The following LHFPL3 variants were observed in gnomAD, a reference collection of about 807,000 sequenced individuals.
The protein encoded by LHFPL3 is LHFPL tetraspan subfamily member 3 protein.
Under a neutral mutation model 19.3 loss-of-function variants are expected in LHFPL3, and 5 were observed. The observed-to-expected ratio is 0.26, with a 90% CI of 0.14 to 0.54. LHFPL3 has a LOEUF of 0.54. Ranked by LOEUF, LHFPL3 falls within the 20% of genes least tolerant of loss-of-function variation. The probability of loss-of-function intolerance (pLI) is 0.94; values close to 1 mark genes in which losing one functional copy is unlikely to be tolerated. For synonymous variants in LHFPL3, 133 were observed against 126.2 expected (o/e 1.05, Z -0.36); for missense variants, 249 against 307.4 (o/e 0.81, Z 1.42).
intron 2 of LHFPL3, among the ~76,000 whole-genome samples, chr7:104,847,209 A>G (rs1307490063): frequency 2.0e-5 from 3 of 152,182 alleles, no homozygotes; most frequent in Non-Finnish European, 4.4e-5. Context: ...TCTTCCTGAG[A>G]TATCACTGAT....
intron 1 of LHFPL3, among the ~76,000 whole-genome samples, chr7:104,661,084 G>A (rs1444455312): frequency 2.0e-5 from 3 of 152,180 alleles, no homozygotes; most frequent in Non-Finnish European, 4.4e-5. Flanking sequence ...TGTGAGCACT[G>A]ATATCAGGAA....
At chr7:104,658,663 G>A (rs1038726556) in intron 1 of LHFPL3, among the ~76,000 whole-genome samples, 5 of 152,016 alleles carry the variant, frequency 3.3e-5, no homozygotes, top group East Asian at 3.9e-4. Flanking sequence ...CTGGGTGGGC[G>A]CCTATAATCC....
chr7:104,367,664 A>T (rs985548831), intron 1 of LHFPL3, among the ~76,000 whole-genome samples: 1 of 152,176 alleles, frequency 6.6e-6, no homozygotes, highest in Non-Finnish European at 1.5e-5. Context: ...GAAATTCTGG[A>T]TCTATTCACA....
At chr7:104,744,039 C>G (rs932663077) in intron 2 of LHFPL3, 3 of 147,570 alleles carry the variant, frequency 2.0e-5, no homozygotes, top group Middle Eastern at 3.3e-3. Context: ...TTTTTAGAAA[C>G]AGTGCCTTAC....
intron 1 of LHFPL3, among the ~76,000 whole-genome samples, chr7:104,729,284 G>A (rs1793646010): frequency 6.6e-6 from 1 of 152,108 alleles, no homozygotes; most frequent in African/African-American, 2.4e-5. Flanking sequence ...ATAATGGGAT[G>A]TTTTAATATA....
chr7:104,616,765 C>G (rs1040001976), intron 1 of LHFPL3, among the ~76,000 whole-genome samples: 3 of 151,950 alleles, frequency 2.0e-5, no homozygotes, highest in African/African-American at 7.3e-5. Context: ...TGACAAAGGT[C>G]TAATATCCAG....
intron 2 of LHFPL3, among the ~76,000 whole-genome samples, chr7:104,816,234 T>G (rs1273330254): frequency 6.6e-6 from 1 of 152,182 alleles, no homozygotes; most frequent in Non-Finnish European, 1.5e-5. Flanking sequence ...TAGGCCCACT[T>G]GGGGCAAAAA....
intron 2 of LHFPL3, among the ~76,000 whole-genome samples, chr7:104,844,860 C>T (rs1178096004): frequency 6.6e-6 from 1 of 152,222 alleles, no homozygotes; most frequent in Admixed American, 6.5e-5. Context: ...CTGCCTCAGA[C>T]TCCCATGTAG....
chr7:104,435,226 C>T (rs893578922), intron 1 of LHFPL3, among the ~76,000 whole-genome samples: 12 of 151,928 alleles, frequency 7.9e-5, no homozygotes, highest in South Asian at 2.1e-4. Flanking sequence ...TACTGCAGCC[C>T]CAAACTCCCG....
At chr7:104,452,438 A>G (rs1438621509) in intron 1 of LHFPL3, among the ~76,000 whole-genome samples, 1 of 152,188 alleles carries the variant, frequency 6.6e-6, no homozygotes, top group African/African-American at 2.4e-5. Context: ...ACATTCCTAG[A>G]AGTGGAGTTT....
intron 1 of LHFPL3, among the ~76,000 whole-genome samples, chr7:104,558,897 T>C (rs1477689579): frequency 1.4e-5 from 2 of 145,990 alleles, no homozygotes; most frequent in African/African-American, 5.4e-5. Context: ...TTTCTACATA[T>C]GGCTAGCCAG....
intron 2 of LHFPL3, among the ~76,000 whole-genome samples, chr7:104,777,104 GC>G (rs1472962233): frequency 6.6e-6 from 1 of 152,180 alleles, no homozygotes; most frequent in Non-Finnish European, 1.5e-5. Context: ...GATGCAGGGA[GC>G]AAAAGTATAG....
intron 1 of LHFPL3, among the ~76,000 whole-genome samples, chr7:104,526,044 AGCT>A (rs1289420515): frequency 1.3e-5 from 2 of 152,140 alleles, no homozygotes; most frequent in African/African-American, 4.8e-5. Context: ...GTAGAAAGAA[AGCT>A]TCTTTCTCCC....
intron 2 of LHFPL3, among the ~76,000 whole-genome samples, chr7:104,847,748 G>T (rs1791338367): frequency 6.6e-6 from 1 of 152,234 alleles, no homozygotes; most frequent in African/African-American, 2.4e-5. Context: ...CTGACCTCAA[G>T]TGATCCGCCT....
intron 1 of LHFPL3, among the ~76,000 whole-genome samples, chr7:104,334,837 A>C (rs1340394437): frequency 2.0e-5 from 3 of 152,216 alleles, no homozygotes; most frequent in Non-Finnish European, 4.4e-5. Context: ...CATTAAAAAA[A>C]CCTCATATCA....
intron 2 of LHFPL3, among the ~76,000 whole-genome samples, chr7:104,793,474 A>T (rs553176115): frequency 2.6e-5 from 4 of 152,342 alleles, no homozygotes; most frequent in Admixed American, 2.0e-4. Flanking sequence ...GTTTACTAAG[A>T]TGTCAGTGGT....
chr7:104,516,096 A>G (rs1194681900), intron 1 of LHFPL3, among the ~76,000 whole-genome samples: 1 of 152,084 alleles, frequency 6.6e-6, no homozygotes, highest in African/African-American at 2.4e-5. Context: ...GGTTTAGTTG[A>G]CTCACAGTTC....
At chr7:104,639,901 T>C (rs956807094) in intron 1 of LHFPL3, among the ~76,000 whole-genome samples, 2 of 152,200 alleles carry the variant, frequency 1.3e-5, no homozygotes, top group Non-Finnish European at 2.9e-5. Flanking sequence ...AATTATTCTA[T>C]GATCTTTTTG....
At chr7:104,441,058 G>T (rs1403799000) in intron 1 of LHFPL3, among the ~76,000 whole-genome samples, 3 of 152,028 alleles carry the variant, frequency 2.0e-5, no homozygotes, top group Admixed American at 2.0e-4. Flanking sequence ...CTTAACATGA[G>T]ATCTACCCTC....
Sources: allele counts gnomAD v4.1 joint callset (sites outside exome capture counted in the v4.1 genomes callset), GRCh38; gene constraint gnomAD v4.1.1; transcripts MANE v1.5; gene names NCBI Gene and HGNC (gene_info 2026-07-23, HGNC 2026-07-21).